Variants in GHR observed in about 807,000 individuals in gnomAD.
The protein encoded by GHR is GH receptor.
In GHR, 35 loss-of-function variants were observed where a neutral mutation model predicts 67.1. That is an observed-to-expected ratio of 0.52 (90% CI 0.40 to 0.69). The LOEUF (loss-of-function observed/expected upper bound fraction) is 0.69, where lower values mean the gene tolerates loss of function less well. Among genes scored for constraint, GHR ranks in the 30% least tolerant of loss-of-function variants. The probability of loss-of-function intolerance (pLI) is 0.00; values close to 1 mark genes in which losing one functional copy is unlikely to be tolerated. For missense variants in GHR, 792 were observed against 764.6 expected (o/e 1.04, Z -0.42); for synonymous variants, 272 against 269.1 (o/e 1.01, Z -0.10).
chr5:42,583,624 T>G (rs1751311421), intron 2 of GHR, among the ~76,000 whole-genome samples: 1 of 152,140 alleles, frequency 6.6e-6, no homozygotes, highest in East Asian at 1.9e-4. Flanking sequence ...GGACACTATT[T>G]GCACACAAGT....
At chr5:42,438,232 A>C (rs1441922184) in intron 1 of GHR, among the ~76,000 whole-genome samples, 1 of 152,244 alleles carries the variant, frequency 6.6e-6, no homozygotes, top group Non-Finnish European at 1.5e-5. Flanking sequence ...CACTTGGTGA[A>C]ACTATGATGT....
At chr5:42,717,918 C>A in intron 8 of GHR, 134 bp from the exon 9 acceptor site, 1 of 616,042 alleles carries the variant, frequency 1.6e-6, no homozygotes, top group Non-Finnish European at 3.0e-6. Context: ...CTGTTTCTCA[C>A]ACTCCAATTA....
chr5:42,563,663 C>G (rs1296453006), intron 1 of GHR, among the ~76,000 whole-genome samples: 9 of 141,784 alleles, frequency 6.3e-5, no homozygotes, highest in Admixed American at 2.8e-4. Flanking sequence ...CAAAAATTAG[C>G]TGGGCATGGT....
chr5:42,464,152 A>G (rs1470861163), intron 1 of GHR, among the ~76,000 whole-genome samples: 2 of 150,204 alleles, frequency 1.3e-5, no homozygotes, highest in Non-Finnish European at 2.9e-5. Flanking sequence ...GTTTGCTTTC[A>G]TTATCTACTT....
At chr5:42,542,573 G>T (rs1748561976) in intron 1 of GHR, among the ~76,000 whole-genome samples, 1 of 152,026 alleles carries the variant, frequency 6.6e-6, no homozygotes, top group African/African-American at 2.4e-5. Flanking sequence ...GCACACTTAA[G>T]GTGATTCTTA....
Position 42,573,726 on chromosome 5 carries a change from T to C in GHR, c.70+7782T>C, listed in dbSNP as rs150220905. On this transcript the variant is annotated intron_variant, in intron 2 of 9. Transcript: ENST00000230882. ...AGCTGAGTCAATTTTCTTAGCCCCA[T>C]TCCTTAAATATCAAGTCTTTCTAAT... 2.3e-4 allele frequency among the ~76,000 whole-genome samples: 35 copies of C among 152,316 alleles called. No homozygotes were observed. The East Asian group carries it at 6.6e-3, about 29-fold the overall frequency.
chr5:42,569,866 A>T (rs1750180744), intron 2 of GHR, among the ~76,000 whole-genome samples: 1 of 152,156 alleles, frequency 6.6e-6, no homozygotes, highest in African/African-American at 2.4e-5. Context: ...ATTCTGTACC[A>T]TTCAAAGTAA....
chr5:42,677,930 T>C (rs1173520206), intron 3 of GHR, among the ~76,000 whole-genome samples: 2 of 152,164 alleles, frequency 1.3e-5, no homozygotes, highest in Non-Finnish European at 2.9e-5. Context: ...TTAGCAATGT[T>C]CATCATTTGC....
intron 2 of GHR, among the ~76,000 whole-genome samples, chr5:42,622,191 C>T (rs1369076183): frequency 1.3e-5 from 2 of 152,162 alleles, no homozygotes; most frequent in South Asian, 4.1e-4. Flanking sequence ...GTCTCACCTG[C>T]TTCTTTGAGA....
chr5:42,436,320 C>A (rs1167325572), intron 1 of GHR, among the ~76,000 whole-genome samples: 1 of 152,196 alleles, frequency 6.6e-6, no homozygotes, highest in African/African-American at 2.4e-5. Context: ...TACTCCCACA[C>A]TTCTCCACTT....
At chr5:42,548,428 T>C (rs1748838939) in intron 1 of GHR, 3 of 984,730 alleles carry the variant, frequency 3.0e-6, no homozygotes, top group Non-Finnish European at 3.6e-6. Flanking sequence ...CTTGCATATA[T>C]GAGTGAAAGA....
At chr5:42,642,469 G>A (rs776799517) in intron 3 of GHR, among the ~76,000 whole-genome samples, 3 of 152,084 alleles carry the variant, frequency 2.0e-5, no homozygotes, top group East Asian at 1.9e-4. Flanking sequence ...AGGGGACTTC[G>A]TTGGTGAGTG....
intron 1 of GHR, 94 bp from the exon 2 acceptor site, chr5:42,565,770 C>T (rs1156737730): frequency 1.9e-6 from 3 of 1,606,774 alleles, no homozygotes; most frequent in Admixed American, 1.7e-5. Context: ...GACTCGTCAG[C>T]TCATTCATGT....
intron 3 of GHR, among the ~76,000 whole-genome samples, chr5:42,656,359 A>T (rs1418693942): frequency 1.3e-5 from 2 of 152,334 alleles, no homozygotes; most frequent in East Asian, 3.9e-4. Context: ...TGCATGGTCC[A>T]TTTTGAAGAC....
chr5:42,439,264 G>A (rs980534438), intron 1 of GHR, among the ~76,000 whole-genome samples: 1 of 152,158 alleles, frequency 6.6e-6, no homozygotes, highest in Admixed American at 6.5e-5. Flanking sequence ...ATCCTCATGG[G>A]AAAACTCAGG....
At chr5:42,492,100 A>C (rs899110493) in intron 1 of GHR, among the ~76,000 whole-genome samples, 2 of 152,168 alleles carry the variant, frequency 1.3e-5, no homozygotes, top group African/African-American at 4.8e-5. Flanking sequence ...TTCTGTAAGC[A>C]ATTTTAAGAA....
intron 1 of GHR, among the ~76,000 whole-genome samples, chr5:42,442,298 A>G (rs1743612634): frequency 6.6e-6 from 1 of 152,244 alleles, no homozygotes; most frequent in Non-Finnish European, 1.5e-5. Context: ...GCTGAGGCTG[A>G]TGATCATGAA....
At chr5:42,669,046 G>T (rs1348720787) in intron 3 of GHR, among the ~76,000 whole-genome samples, 1 of 152,160 alleles carries the variant, frequency 6.6e-6, no homozygotes, top group Non-Finnish European at 1.5e-5. Flanking sequence ...AAATCATTAA[G>T]AAACAGTGAC....
chr5:42,515,885 T>C (rs1747215491), intron 1 of GHR, among the ~76,000 whole-genome samples: 1 of 152,218 alleles, frequency 6.6e-6, no homozygotes, highest in Non-Finnish European at 1.5e-5. Context: ...GAGCTAGTAT[T>C]TTAACATTTG....
Sources: gnomAD v4.1 joint callset for allele counts (sites outside exome capture counted in the v4.1 genomes callset) on GRCh38, gnomAD v4.1.1 for gene constraint, MANE v1.5 for transcripts, NCBI Gene and HGNC (gene_info 2026-07-23, HGNC 2026-07-21) for gene names.